TMPRSS6: variants seen among roughly 807,000 people sequenced by gnomAD.
The protein encoded by TMPRSS6 is transmembrane protease serine 6.
Under a neutral mutation model 101.5 loss-of-function variants are expected in TMPRSS6, and 67 were observed. That is an observed-to-expected ratio of 0.66 (90% CI 0.54 to 0.81). TMPRSS6 has a LOEUF of 0.81. Ranked by LOEUF, TMPRSS6 falls within the 30% of genes least tolerant of loss-of-function variation. TMPRSS6 has a pLI of 0.00. For missense variants in TMPRSS6, 1,034 were observed against 1,088.7 expected (o/e 0.95, Z 0.71); for synonymous variants, 453 against 464.9 (o/e 0.97, Z 0.33).
intron 10 of TMPRSS6, among the ~76,000 whole-genome samples, chr22:37,079,709 C>T (rs997713549): frequency 8.5e-5 from 13 of 152,254 alleles, no homozygotes; most frequent in African/African-American, 3.1e-4. Flanking sequence ...ATTTGTAAAA[C>T]AGGGGTGATC....
Position 37,095,423 on chromosome 22 carries a change from C to T in TMPRSS6, c.631+128G>A. 4 of 1,193,598 alleles carry T rather than the reference C, an allele frequency of 3.4e-6. No individual in the cohort carries two copies. The South Asian group carries it at 4.0e-5, about 12-fold the overall frequency. 73.9% of individuals were successfully genotyped at this position (1,193,598 alleles called of 1,614,324 possible). On this transcript the variant is annotated intron_variant, in intron 6 of 17. Transcript: ENST00000676104. ...CATCGCTGAGTCCACCATGGCATCC[C>T]CTGGGTGACTCTTGGCCAGGGCTCC... is the stretch of plus-strand genomic sequence containing the variant.
intron 10 of TMPRSS6, among the ~76,000 whole-genome samples, chr22:37,081,168 C>T (rs527552283): frequency 1.3e-5 from 2 of 152,362 alleles, no homozygotes; most frequent in East Asian, 1.9e-4. Context: ...AACCCCTCAG[C>T]TTGTGCCTGC....
intron 16 of TMPRSS6, 151 bp downstream of exon 16, chr22:37,068,922 C>T: frequency 2.2e-6 from 3 of 1,360,312 alleles, no homozygotes; most frequent in Non-Finnish European, 2.0e-6. Context: ...GGTTTTCTAC[C>T]GTAAAATTCA....
intron 2 of TMPRSS6, among the ~76,000 whole-genome samples, chr22:37,100,420 A>T (rs55945931): frequency 0.35 from 52,654 of 151,930 alleles, 9,288 homozygotes; most frequent in Non-Finnish European, 0.37. Flanking sequence ...GTCCAGGGGG[A>T]CAGAGCCTGG....
At chr22:37,078,897 T>C (rs1242119623) in intron 10 of TMPRSS6, among the ~76,000 whole-genome samples, 1 of 114,334 alleles carries the variant, frequency 8.7e-6, no homozygotes, top group African/African-American at 3.5e-5. Flanking sequence ...AAAAGGAGAA[T>C]AAGGAAGAAG....
At position 37,070,515 on chromosome 22, in the gene TMPRSS6, T is replaced by C. The variant is rs759601531; in HGVS notation, c.1810A>G (p.Ile604Val). 6 of 1,613,390 alleles carry C rather than the reference T, an allele frequency of 3.7e-6. No homozygotes were observed. The highest frequency in any genetic ancestry group is 3.3e-5 in the Admixed American group (2 of 60,028). Reference protein sequence around the residue: ...GGALIADRWVITAAHCFQEDS... With the variant: ...GGALIADRWVVTAAHCFQEDS... ...TCCTGGAAGCAGTGGGCAGCTGTTATCACCCAGCGGTCAGCGATGAGGGCC... is the reference window on the plus strand; with the variant it reads ...TCCTGGAAGCAGTGGGCAGCTGTTACCACCCAGCGGTCAGCGATGAGGGCC... Residue 604 changes from isoleucine (I) to valine (V), a missense_variant, in exon 15 of 18, where the codon ATA becomes GTA. Transcript: ENST00000676104.
chr22:37,086,163 A>T (rs1245182478), intron 8 of TMPRSS6, 120 bp downstream of exon 8: 1 of 1,397,274 alleles, frequency 7.2e-7, no homozygotes, highest in East Asian at 2.4e-5. Flanking sequence ...AGCTTCCAGA[A>T]TCTTCCCTCT....
At position 37,086,547 on chromosome 22, in the gene TMPRSS6, T is replaced by A. The variant is rs1399736709; in HGVS notation, c.837-128A>T. 4.2e-6 allele frequency: 4 copies of A among 945,206 alleles called. No individual in the cohort carries two copies. The Admixed American group carries it at 8.3e-5, about 20-fold the overall frequency. The allele number at this position is 945,206 out of a possible 1,614,324, so 58.6% of individuals were successfully genotyped here. ...ATCTGGGTTCTGGGTCCGGGTCTCC[T>A]ACCAGAGACCACTGTGTGTCTGTGG... On this transcript the variant is annotated intron_variant, in intron 7 of 17. Transcript: ENST00000676104.
Position 37,098,494 on chromosome 22 carries a change from G to T in TMPRSS6, c.258C>A (p.Leu86=). ...SQVYSGSLRV[L]NRHFSQDLTR... ...TAAGATCCTGGGAGAAGTGGCGATT[G>T]AGTACACGCAGACTGCCTGAGTACA... The change falls in exon 3 of 18, where the codon CTC becomes CTA. Residue 86 remains leucine (L), a synonymous_variant. Transcript: ENST00000676104. 2 of 1,614,100 alleles carry T rather than the reference G, an allele frequency of 1.2e-6. No individual in the cohort carries two copies. The highest frequency in any genetic ancestry group is 1.7e-6 in the Non-Finnish European group (2 of 1,180,018).
intron 1 of TMPRSS6, among the ~76,000 whole-genome samples, chr22:37,105,916 T>C (rs903011307): frequency 6.6e-6 from 1 of 152,226 alleles, no homozygotes; most frequent in African/African-American, 2.4e-5. Flanking sequence ...TCCTGAAGTG[T>C]TGAGATTACA....
Position 37,070,976 on chromosome 22 carries a change from G to T in TMPRSS6, c.1612C>A (p.Pro538Thr), listed in dbSNP as rs1312705235. The change falls in exon 14 of 18, where the codon CCC (proline) becomes ACC (threonine). Residue 538 changes from proline to threonine, a missense_variant. By Grantham distance (38) the Pro-to-Thr change is conservative. Coordinates refer to ENST00000676104, the MANE Select transcript of TMPRSS6 (RefSeq NM_001374504.1). ...QCEDRSCVKK[P>T]NPQCDGRPDC... is the part of the protein sequence containing the mutation. ...GGCCGCCCATCACACTGCGGGTTGG[G>T]CTTCTTCACGCAGCTCCGGTCCTCA... The T allele has an allele frequency of 6.2e-7, 1 of 1,613,272 alleles. No individual in the cohort carries two copies. Among genetic ancestry groups the T allele is most frequent in the East Asian group, 2.2e-5 (1 of 44,838 alleles).
At position 37,106,372 on chromosome 22, in the gene TMPRSS6, C is replaced by T. The variant is rs114893594; in HGVS notation, c.-1-2954G>A. Among the ~76,000 whole-genome samples, 716 of 152,194 alleles carry T rather than the reference C, an allele frequency of 4.7e-3. 11 individuals are homozygous for T. The highest frequency in any genetic ancestry group is 0.017 in the African/African-American group (690 of 41,520). ...AAGAGGGGCAGCTCATGGTGGGGTG[C>T]TTGGTGGGCCTCCCCTCCCCTCTCA... On this transcript the variant is annotated intron_variant, in intron 1 of 17. Coordinates refer to ENST00000676104, the MANE Select transcript of TMPRSS6 (RefSeq NM_001374504.1).
At chr22:37,077,802 C>T (rs1360203380) in intron 10 of TMPRSS6, among the ~76,000 whole-genome samples, 1 of 152,202 alleles carries the variant, frequency 6.6e-6, no homozygotes, top group Non-Finnish European at 1.5e-5. Context: ...AATTTTGTTT[C>T]AATTTCTAAT....
chr22:37,108,981 T>G (rs1930893263), intron 1 of TMPRSS6, among the ~76,000 whole-genome samples: 1 of 152,102 alleles, frequency 6.6e-6, no homozygotes, highest in Admixed American at 6.5e-5. Context: ...CATCTATTCA[T>G]GACACAAAAA....
At position 37,086,482 on chromosome 22, in the gene TMPRSS6, G is replaced by A. The variant is rs148741646; in HGVS notation, c.837-63C>T. 8.2e-4 allele frequency: 1,264 copies of A among 1,537,974 alleles called. 13 individuals are homozygous for A. The African/African-American group carries it at 0.016, about 19-fold the overall frequency. ...CTGGGAGGGGAGTGGCAGGGAGGGC[G>A]GCAGGCGGCTGCTGGGGGAGGGTGG... On this transcript the variant is annotated intron_variant, in intron 7 of 17. Transcript: ENST00000676104.
At chr22:37,107,600 G>A (rs1378441560) in intron 1 of TMPRSS6, among the ~76,000 whole-genome samples, 1 of 151,744 alleles carries the variant, frequency 6.6e-6, no homozygotes, top group Non-Finnish European at 1.5e-5. Flanking sequence ...AATGGCCACT[G>A]CGTGTTGTCA....
intron 10 of TMPRSS6, among the ~76,000 whole-genome samples, chr22:37,082,129 T>C (rs1003068581): frequency 5.3e-5 from 8 of 152,136 alleles, no homozygotes; most frequent in Non-Finnish European, 8.8e-5. Flanking sequence ...TTTGTGGCTG[T>C]TGGGGGTATG....
chr22:37,070,384 C>T, intron 15 of TMPRSS6, 100 bp downstream of exon 15: 1 of 1,494,588 alleles, frequency 6.7e-7, no homozygotes, highest in Non-Finnish European at 9.3e-7. Context: ...GTCCACCACC[C>T]TTCCCTCTAT....
At chr22:37,079,875 G>A (rs916411457) in intron 10 of TMPRSS6, among the ~76,000 whole-genome samples, 1 of 152,358 alleles carries the variant, frequency 6.6e-6, no homozygotes, top group Non-Finnish European at 1.5e-5. Flanking sequence ...CCTACTAAGT[G>A]TCTGTGGCTG....
Sources: gnomAD v4.1 joint callset for allele counts (sites outside exome capture counted in the v4.1 genomes callset) on GRCh38, gnomAD v4.1.1 for gene constraint, MANE v1.5 for transcripts, NCBI Gene and HGNC (gene_info 2026-07-23, HGNC 2026-07-21) for gene names.